The following KCTD8 variants were observed in gnomAD, a reference collection of about 807,000 sequenced individuals.
KCTD8 encodes the protein BTB/POZ domain-containing protein KCTD8.
In KCTD8, 27 loss-of-function variants were observed where a neutral mutation model predicts 31.5. The observed-to-expected ratio is 0.86, with a 90% CI of 0.63 to 1.18. KCTD8 has a LOEUF of 1.18. Ranked by LOEUF, KCTD8 falls within the 50% of genes most tolerant of loss-of-function variation. The probability of loss-of-function intolerance (pLI) is 0.00; values close to 1 mark genes in which losing one functional copy is unlikely to be tolerated. For synonymous variants in KCTD8, 290 were observed against 280.0 expected (o/e 1.04, Z -0.36); for missense variants, 658 against 647.7 (o/e 1.02, Z -0.17).
At chr4:44,394,550 G>A (rs1156277794) in intron 1 of KCTD8, among the ~76,000 whole-genome samples, 1 of 152,012 alleles carries the variant, frequency 6.6e-6, no homozygotes, top group Non-Finnish European at 1.5e-5. Context: ...TGGTCATTAT[G>A]AATCCTATTT....
intron 1 of KCTD8, among the ~76,000 whole-genome samples, chr4:44,281,614 C>T (rs1005090667): frequency 6.6e-6 from 1 of 152,054 alleles, no homozygotes; most frequent in East Asian, 1.9e-4. Context: ...TGTTGCCGTT[C>T]CAACCATAAT....
intron 1 of KCTD8, among the ~76,000 whole-genome samples, chr4:44,257,104 T>G (rs1357215059): frequency 6.6e-6 from 1 of 152,014 alleles, no homozygotes; most frequent in Admixed American, 6.6e-5. Context: ...AGGGGAAGAT[T>G]AGAGCCTGTA....
intron 1 of KCTD8, among the ~76,000 whole-genome samples, chr4:44,327,481 C>T (rs1718480062): frequency 6.6e-6 from 1 of 151,836 alleles, no homozygotes; most frequent in African/African-American, 2.4e-5. Context: ...ATGTTTCCCA[C>T]AGTAGCTCTG....
At chr4:44,249,513 T>C (rs1715764993) in intron 1 of KCTD8, among the ~76,000 whole-genome samples, 1 of 151,846 alleles carries the variant, frequency 6.6e-6, no homozygotes. Flanking sequence ...TCAGTCACAA[T>C]TATTGAATTC....
chr4:44,244,853 G>A (rs1047935810), intron 1 of KCTD8, among the ~76,000 whole-genome samples: 2 of 151,316 alleles, frequency 1.3e-5, no homozygotes, highest in Admixed American at 6.6e-5. Flanking sequence ...GTTGTGGGGG[G>A]GGGGGGGTCT....
At chr4:44,332,294 A>G (rs1718607463) in intron 1 of KCTD8, among the ~76,000 whole-genome samples, 1 of 152,076 alleles carries the variant, frequency 6.6e-6, no homozygotes, top group Admixed American at 6.6e-5. Context: ...TTTTGAACAG[A>G]TGACTGGATC....
At chr4:44,201,802 A>C (rs1164331280) in intron 1 of KCTD8, among the ~76,000 whole-genome samples, 1 of 152,156 alleles carries the variant, frequency 6.6e-6, no homozygotes, top group Admixed American at 6.6e-5. Flanking sequence ...AGTGTGACCT[A>C]ATCAAACTAA....
intron 1 of KCTD8, among the ~76,000 whole-genome samples, chr4:44,193,100 G>A (rs1285993447): frequency 6.6e-6 from 1 of 152,008 alleles, no homozygotes; most frequent in Non-Finnish European, 1.5e-5. Context: ...TACACCACTA[G>A]TTGAAAAAGA....
chr4:44,367,701 C>T lies in KCTD8; in HGVS notation c.961+79862G>A, dbSNP rs112912946. Among the ~76,000 whole-genome samples the T allele has an allele frequency of 4.2e-3, 641 of 152,154 alleles. 5 individuals are homozygous for T. The highest frequency in any genetic ancestry group is 0.015 in the African/African-American group (617 of 41,526). On this transcript the variant is annotated intron_variant, in intron 1 of 1. Coordinates refer to ENST00000360029, the MANE Select transcript of KCTD8 (RefSeq NM_198353.3). ...GAAAAAAATGACAGTGTTTCTTTTGCTGACTTTCAGTTTGATGATCTAGGC... is the reference window on the plus strand; with the variant it reads ...GAAAAAAATGACAGTGTTTCTTTTGTTGACTTTCAGTTTGATGATCTAGGC...
chr4:44,260,288 T>C (rs1716122623), intron 1 of KCTD8, among the ~76,000 whole-genome samples: 1 of 151,910 alleles, frequency 6.6e-6, no homozygotes, highest in Non-Finnish European at 1.5e-5. Flanking sequence ...GTGATAATAA[T>C]AATTTATTCA....
At chr4:44,267,299 G>A (rs1280766502) in intron 1 of KCTD8, among the ~76,000 whole-genome samples, 11 of 152,156 alleles carry the variant, frequency 7.2e-5, no homozygotes, top group Non-Finnish European at 1.6e-4. Context: ...TGACTACTGG[G>A]TACATAAAGA....
At chr4:44,440,602 TA>T (rs1338814035) in intron 1 of KCTD8, among the ~76,000 whole-genome samples, 2 of 152,214 alleles carry the variant, frequency 1.3e-5, no homozygotes, top group African/African-American at 4.8e-5. Context: ...TCAAATTCAG[TA>T]ACAACCTAAT....
chr4:44,298,385 A>G (rs1441032314), intron 1 of KCTD8, among the ~76,000 whole-genome samples: 3 of 151,344 alleles, frequency 2.0e-5, no homozygotes, highest in Non-Finnish European at 4.4e-5. Context: ...TCCTCACAAA[A>G]CTCCTTCACA....
intron 1 of KCTD8, among the ~76,000 whole-genome samples, chr4:44,386,540 A>G (rs1310208813): frequency 6.6e-6 from 1 of 151,530 alleles, no homozygotes; most frequent in Non-Finnish European, 1.5e-5. Flanking sequence ...AATTAAAACT[A>G]CAATGAGATA....
chr4:44,242,211 C>T (rs1214152634), intron 1 of KCTD8, among the ~76,000 whole-genome samples: 1 of 152,226 alleles, frequency 6.6e-6, no homozygotes, highest in African/African-American at 2.4e-5. Context: ...TTAATTCTCA[C>T]ATCAATCCTA....
At chr4:44,370,214 C>A (rs1466471035) in intron 1 of KCTD8, among the ~76,000 whole-genome samples, 1 of 152,042 alleles carries the variant, frequency 6.6e-6, no homozygotes, top group Non-Finnish European at 1.5e-5. Context: ...GGGGTTACTT[C>A]CTGAACTCAA....
chr4:44,447,905 C>A lies in KCTD8; in HGVS notation c.619G>T (p.Gly207Cys). 1 of 1,510,324 alleles carries A rather than the reference C, an allele frequency of 6.6e-7. No individual in the cohort carries two copies. 93.6% of individuals were successfully genotyped at this position (1,510,324 alleles called of 1,614,324 possible). A position where few individuals can be genotyped will look rare whatever the true frequency, so the allele number is the denominator to read the frequency against. ...GGGGAQDKRS[G>C]FLTLGYRGSY... The stretch of plus-strand genomic sequence containing the variant: ...CCCCGGTAGCCCAGCGTGAGGAAGC[C>A]CGAGCGCTTGTCCTGCGCGCCGCCG... The change falls in exon 1 of 2, where the codon GGC (glycine) becomes TGC (cysteine). Residue 207 changes from glycine to cysteine, a missense_variant. Transcript: ENST00000360029.
At chr4:44,253,372 T>C (rs1282219854) in intron 1 of KCTD8, among the ~76,000 whole-genome samples, 1 of 151,804 alleles carries the variant, frequency 6.6e-6, no homozygotes, top group Non-Finnish European at 1.5e-5. Flanking sequence ...TAAATTACAA[T>C]TTTGAAAGCA....
chr4:44,250,232 G>A (rs148297509), intron 1 of KCTD8, among the ~76,000 whole-genome samples: 4 of 151,670 alleles, frequency 2.6e-5, no homozygotes, highest in Middle Eastern at 3.4e-3. Flanking sequence ...TTTTCAAATC[G>A]AATGTTATGT....
Sources: allele counts gnomAD v4.1 joint callset (sites outside exome capture counted in the v4.1 genomes callset), GRCh38; gene constraint gnomAD v4.1.1; transcripts MANE v1.5; gene names NCBI Gene and HGNC (gene_info 2026-07-23, HGNC 2026-07-21).